WDFY3: variants seen among roughly 807,000 people sequenced by gnomAD.
WDFY3 encodes the protein WD repeat and FYVE domain-containing protein 3.
In WDFY3, 66 loss-of-function variants were observed where a neutral mutation model predicts 409.6. The observed-to-expected ratio is 0.16, with a 90% CI of 0.13 to 0.20. WDFY3 has a LOEUF of 0.20. Among genes scored for constraint, WDFY3 ranks in the 10% least tolerant of loss-of-function variants. The pLI is 1.00. For missense variants in WDFY3, 3,031 were observed against 4,298.1 expected (o/e 0.71, Z 8.24); for synonymous variants, 1,521 against 1,537.1 (o/e 0.99, Z 0.25).
chr4:84,914,444 C>A (rs554209182), intron 2 of WDFY3, among the ~76,000 whole-genome samples: 76 of 150,324 alleles, frequency 5.1e-4, no homozygotes, highest in African/African-American at 1.6e-3. Context: ...CAAAACAAAA[C>A]AAAAAAAAAT....
chr4:84,755,786 TATTTTA>T (rs138650132), intron 33 of WDFY3, among the ~76,000 whole-genome samples: 5,264 of 152,284 alleles, frequency 0.035, 94 homozygotes, highest in South Asian at 0.05. Context: ...TTCTCAGCAG[TATTTTA>T]ATTTTAGATT....
chr4:84,814,252 T>G (rs1433270234), intron 13 of WDFY3, among the ~76,000 whole-genome samples: 1 of 152,128 alleles, frequency 6.6e-6, no homozygotes, highest in East Asian at 1.9e-4. Context: ...AGCAAAGAAA[T>G]GCACACAACA....
At chr4:84,903,402 C>G (rs1213825515) in intron 2 of WDFY3, among the ~76,000 whole-genome samples, 1 of 152,178 alleles carries the variant, frequency 6.6e-6, no homozygotes, top group Admixed American at 6.5e-5. Context: ...TCACTGTAAC[C>G]TCTGCCTCCC....
chr4:84,965,970 G>C (rs1775651175), intron 1 of WDFY3: 1 of 152,478 alleles, frequency 6.6e-6, no homozygotes, highest in South Asian at 2.1e-4. Flanking sequence ...CCCTCCCCAG[G>C]AGGCAGCGGA....
chr4:84,843,493 C>T (rs1305831501), intron 5 of WDFY3, among the ~76,000 whole-genome samples: 1 of 152,136 alleles, frequency 6.6e-6, no homozygotes, highest in Non-Finnish European at 1.5e-5. Flanking sequence ...CTCCTCAACT[C>T]AAGCAATCCC....
Position 84,876,107 on chromosome 4 carries a change from T to C in WDFY3, c.-31-15485A>G, listed in dbSNP as rs1054035087. Among the ~76,000 whole-genome samples, 6 of 152,224 alleles carry C rather than the reference T, an allele frequency of 3.9e-5. No homozygotes were observed. In the South Asian group the frequency reaches 1.2e-3, roughly 32 times the overall value. ...CTATACTTTCATACAACTGGCAGCA[T>C]AGAAGGCTTGTTTACACCAGCATCA... On this transcript the variant is annotated intron_variant, in intron 3 of 67. Transcript: ENST00000295888.
intron 4 of WDFY3, among the ~76,000 whole-genome samples, chr4:84,855,454 C>G (rs1759629549): frequency 6.6e-6 from 1 of 152,134 alleles, no homozygotes; most frequent in Non-Finnish European, 1.5e-5. Flanking sequence ...TTTCCTGGCA[C>G]CTCTTCAACC....
chr4:84,933,576 A>G (rs959377855), intron 1 of WDFY3, among the ~76,000 whole-genome samples: 1 of 151,934 alleles, frequency 6.6e-6, no homozygotes, highest in Non-Finnish European at 1.5e-5. Context: ...TAATGTACAA[A>G]TTATTAACTG....
intron 3 of WDFY3, among the ~76,000 whole-genome samples, chr4:84,888,698 G>A (rs190047114): frequency 9.2e-5 from 14 of 152,266 alleles, no homozygotes; most frequent in Admixed American, 4.6e-4. Context: ...GATCCAGCTT[G>A]TACCAGCTTA....
intron 3 of WDFY3, among the ~76,000 whole-genome samples, chr4:84,891,524 T>C (rs1764950220): frequency 6.6e-6 from 1 of 152,130 alleles, no homozygotes; most frequent in African/African-American, 2.4e-5. Context: ...TGAAATTTAT[T>C]TCAAACTAGG....
At chr4:84,849,656 A>T in intron 5 of WDFY3, 2 of 278,480 alleles carry the variant, frequency 7.2e-6, no homozygotes, top group South Asian at 1.0e-4. Context: ...AGGGAAACAG[A>T]GTATTTTAAA....
intron 2 of WDFY3, among the ~76,000 whole-genome samples, chr4:84,906,913 A>G (rs1561049625): frequency 6.6e-6 from 1 of 152,058 alleles, no homozygotes; most frequent in African/African-American, 2.4e-5. Context: ...TAGATTACTT[A>G]TAATACCTAA....
intron 1 of WDFY3, among the ~76,000 whole-genome samples, chr4:84,963,192 G>C (rs1228161913): frequency 1.3e-5 from 2 of 151,660 alleles, no homozygotes; most frequent in African/African-American, 4.8e-5. Flanking sequence ...GGGAGACAGA[G>C]GCAGGCAGAC....
intron 1 of WDFY3, among the ~76,000 whole-genome samples, chr4:84,942,269 T>C (rs999853335): frequency 3.9e-5 from 6 of 151,920 alleles, no homozygotes; most frequent in Non-Finnish European, 7.4e-5. Context: ...AGCCAAAAAC[T>C]GGGAGAAAGT....
chr4:84,728,490 T>C (rs1176404127), intron 44 of WDFY3, among the ~76,000 whole-genome samples: 1 of 152,116 alleles, frequency 6.6e-6, no homozygotes, highest in Non-Finnish European at 1.5e-5. Context: ...AGATCACCAC[T>C]GCACTCCAGC....
rs193920805 is a variant in WDFY3 at position 84,801,842 on chromosome 4, G to A, written c.2630C>T (p.Ala877Val). The stretch of plus-strand genomic sequence containing the variant: ...CAGGGATTGTAAAATATTTGCCACG[G>A]CAAGTTGAAGATCCAAAGCATGCTA... ...QPEHALDLQL[A>V]VANILQSLVH... The change falls in exon 17 of 68, where the codon GCC (alanine) becomes GTC (valine). Residue 877 changes from alanine (A) to valine (V), a missense_variant. By Grantham distance (64) the Ala-to-Val change is moderately conservative (BLOSUM62 0). Transcript: ENST00000295888. 2 of 1,614,024 alleles carry A rather than the reference G, an allele frequency of 1.2e-6. No homozygotes were observed. The highest frequency in any genetic ancestry group is 1.7e-6 in the Non-Finnish European group (2 of 1,179,912).
chr4:84,749,672 T>C (rs1740153704), intron 36 of WDFY3, among the ~76,000 whole-genome samples: 1 of 152,220 alleles, frequency 6.6e-6, no homozygotes, highest in African/African-American at 2.4e-5. Context: ...GAGGACTTAC[T>C]GTACTGACAG....
chr4:84,816,408 C>A lies in WDFY3; in HGVS notation c.1887+984G>T, dbSNP rs777830298. Among the ~76,000 whole-genome samples the A allele has an allele frequency of 6.8e-4, 104 of 152,044 alleles. 1 individual carries two copies. Among genetic ancestry groups the A allele is most frequent in the Admixed American group, 8.5e-4 (13 of 15,248 alleles). On this transcript the variant is annotated intron_variant, in intron 13 of 67. Transcript: ENST00000295888. ...CTACCTACTAGACAGACATATAGAA[C>A]TTGGGAAAATATTTCAACCAGTCTG...
chr4:84,956,622 T>C (rs1047433661), intron 1 of WDFY3, among the ~76,000 whole-genome samples: 3 of 152,172 alleles, frequency 2.0e-5, no homozygotes, highest in South Asian at 4.1e-4. Context: ...AACTCCCAAA[T>C]ACAATACTTT....
Sources: allele counts gnomAD v4.1 joint callset (sites outside exome capture counted in the v4.1 genomes callset), GRCh38; gene constraint gnomAD v4.1.1; transcripts MANE v1.5; gene names NCBI Gene and HGNC (gene_info 2026-07-23, HGNC 2026-07-21).